The following SEPTIN9 variants were observed in gnomAD, a reference collection of about 807,000 sequenced individuals.
SEPTIN9 encodes septin-9.
Under a neutral mutation model 56.6 loss-of-function variants are expected in SEPTIN9, and 13 were observed. The observed-to-expected ratio is 0.23, with a 90% CI of 0.15 to 0.37. The LOEUF (loss-of-function observed/expected upper bound fraction) is 0.37. SEPTIN9 is among the 10% of genes least tolerant of loss of function. SEPTIN9 has a pLI of 1.00. For synonymous variants in SEPTIN9, 332 were observed against 334.1 expected (o/e 0.99, Z 0.07); for missense variants, 650 against 823.1 (o/e 0.79, Z 2.57).
At chr17:77,305,773 G>A (rs1003639883) in intron 1 of SEPTIN9, among the ~76,000 whole-genome samples, 2 of 151,518 alleles carry the variant, frequency 1.3e-5, no homozygotes, top group African/African-American at 2.4e-5. Flanking sequence ...TGCTGGACAC[G>A]AAGGCCAGAT....
At chr17:77,460,107 C>T (rs1410629710) in intron 3 of SEPTIN9, among the ~76,000 whole-genome samples, 1 of 148,496 alleles carries the variant, frequency 6.7e-6, no homozygotes, top group African/African-American at 2.5e-5. Context: ...CATCAGGGAT[C>T]ACATTTCAGC....
At chr17:77,412,208 C>A (rs1308928992) in intron 3 of SEPTIN9, among the ~76,000 whole-genome samples, 2 of 152,024 alleles carry the variant, frequency 1.3e-5, no homozygotes, top group African/African-American at 4.8e-5. Flanking sequence ...TTTTTAGGAC[C>A]CCTCCCCTCG....
chr17:77,333,062 A>G (rs922112043), intron 2 of SEPTIN9, among the ~76,000 whole-genome samples: 3 of 152,082 alleles, frequency 2.0e-5, no homozygotes, highest in African/African-American at 7.3e-5. Flanking sequence ...TGGCCCTTCC[A>G]TTTCACACTC....
In SEPTIN9 at chr17:77,449,596, G is replaced by T. The variant is rs893527183; in HGVS notation, c.722-32548G>T. On this transcript the variant is annotated intron_variant, in intron 3 of 11. Coordinates refer to ENST00000427177, the MANE Select transcript of SEPTIN9 (RefSeq NM_001113491.2). This position sits in a 1 kb window ranked among gnomAD's most constrained non-coding sequence, Gnocchi z 4.6. ...AGGGAGAGGCCCACGGGGCAGGGGC[G>T]TGGTGGGAGCTGCATCCTCGAGGCT... Among the ~76,000 whole-genome samples, 2 of 152,228 alleles carry T rather than the reference G, an allele frequency of 1.3e-5. No individual in the cohort carries two copies. Among genetic ancestry groups the T allele is most frequent in the Non-Finnish European group, 1.5e-5 (1 of 68,050 alleles).
chr17:77,360,867 GT>G (rs2034393578), intron 2 of SEPTIN9, among the ~76,000 whole-genome samples: 1 of 145,698 alleles, frequency 6.9e-6, no homozygotes, highest in Non-Finnish European at 1.5e-5. Flanking sequence ...AGGGTAGGTT[GT>G]TAGAAATGTA....
intron 3 of SEPTIN9, among the ~76,000 whole-genome samples, chr17:77,426,545 G>A (rs1217457902): frequency 6.6e-6 from 1 of 152,124 alleles, no homozygotes; most frequent in Non-Finnish European, 1.5e-5. Flanking sequence ...CACTGCACCG[G>A]TCCCCTGGCC....
intron 3 of SEPTIN9, among the ~76,000 whole-genome samples, chr17:77,467,161 CGAG>C (rs1435906101): frequency 6.6e-6 from 1 of 152,208 alleles, no homozygotes; most frequent in Non-Finnish European, 1.5e-5. Flanking sequence ...CCTTGGGCCG[CGAG>C]ACGTCTGACC....
At position 77,400,934 on chromosome 17, in the gene SEPTIN9, G is replaced by A. The variant is rs1292216725; in HGVS notation, c.77-1125G>A. Among the ~76,000 whole-genome samples the A allele has an allele frequency of 1.3e-5, 2 of 152,212 alleles. No individual in the cohort carries two copies. Among genetic ancestry groups the A allele is most frequent in the African/African-American group, 4.8e-5 (2 of 41,458 alleles). ...TACCATCCCCACTGCCTCCGAGGGA[G>A]CAGACCCTGGTGGAGAGGCAGGATG... On this transcript the variant is annotated intron_variant, in intron 2 of 11. Transcript: ENST00000427177. This position sits in a 1 kb window ranked among gnomAD's most constrained non-coding sequence, Gnocchi z 4.1.
chr17:77,307,839 A>G (rs1598497226), intron 2 of SEPTIN9, among the ~76,000 whole-genome samples: 1 of 152,186 alleles, frequency 6.6e-6, no homozygotes, highest in East Asian at 1.9e-4. Flanking sequence ...CACTGGGTGC[A>G]GCCTGGGCAA....
chr17:77,496,703 A>G (rs11652286), intron 10 of SEPTIN9, among the ~76,000 whole-genome samples: 58,493 of 152,118 alleles, frequency 0.38, 12,601 homozygotes, highest in East Asian at 0.83. Flanking sequence ...TGAAGTGCAC[A>G]TGTCCCTGAG....
intron 2 of SEPTIN9, among the ~76,000 whole-genome samples, chr17:77,337,899 A>G (rs1167225825): frequency 6.6e-6 from 1 of 152,212 alleles, no homozygotes; most frequent in African/African-American, 2.4e-5. Flanking sequence ...CCCAGTACAT[A>G]TAAAAGTTAT....
chr17:77,356,222 C>T (rs187044381), intron 2 of SEPTIN9, among the ~76,000 whole-genome samples: 4 of 152,266 alleles, frequency 2.6e-5, no homozygotes, highest in African/African-American at 7.2e-5. Context: ...CTGCCTGGTG[C>T]CCAGCCCGCA....
chr17:77,465,643 G>T (rs1223919973), intron 3 of SEPTIN9, among the ~76,000 whole-genome samples: 1 of 152,200 alleles, frequency 6.6e-6, no homozygotes, highest in African/African-American at 2.4e-5. Context: ...TGGGGACGCA[G>T]AGTGACCCCG....
At position 77,437,934 on chromosome 17, in the gene SEPTIN9, G is replaced by GGCCCT. The variant is rs1036217402; in HGVS notation, c.721+35239_721+35243dup. Among the ~76,000 whole-genome samples the GGCCCT allele has an allele frequency of 6.6e-6, 1 of 152,222 alleles. No individual in the cohort carries two copies. The highest frequency in any genetic ancestry group is 2.4e-5 in the African/African-American group (1 of 41,450). ...TGACTGTGGCTGGTTGTTGGTGCCT[G>GGCCCT]GCCCTGCCCTGCACTGTGCACCCAT... is the stretch of plus-strand genomic sequence containing the variant. On this transcript the variant is annotated intron_variant, in intron 3 of 11. Coordinates refer to ENST00000427177, the MANE Select transcript of SEPTIN9 (RefSeq NM_001113491.2). The surrounding 1 kb of genome is among the most constrained non-coding windows in gnomAD (Gnocchi z 5.3).
At chr17:77,309,341 G>A (rs536377183) in intron 2 of SEPTIN9, among the ~76,000 whole-genome samples, 1 of 152,382 alleles carries the variant, frequency 6.6e-6, no homozygotes, top group South Asian at 2.1e-4. Context: ...GGGTTTGCGT[G>A]GGACTGCCTG....
intron 2 of SEPTIN9, 102 bp from the exon 3 acceptor site, chr17:77,401,957 G>A (rs1598315646): frequency 9.6e-6 from 12 of 1,245,542 alleles, no homozygotes; most frequent in East Asian, 4.9e-5. Flanking sequence ...GGCCCTCACC[G>A]CCGCATCGCC....
At chr17:77,297,123 G>A (rs2031854761) in intron 1 of SEPTIN9, among the ~76,000 whole-genome samples, 1 of 152,194 alleles carries the variant, frequency 6.6e-6, no homozygotes, top group Non-Finnish European at 1.5e-5. Flanking sequence ...TGGAGGCCAA[G>A]ATGTACCACA....
intron 2 of SEPTIN9, among the ~76,000 whole-genome samples, chr17:77,335,082 A>G (rs1271316196): frequency 6.6e-6 from 1 of 151,480 alleles, no homozygotes; most frequent in Non-Finnish European, 1.5e-5. Context: ...GTATATACAT[A>G]TCAGCCCTAT....
intron 2 of SEPTIN9, among the ~76,000 whole-genome samples, chr17:77,331,435 G>A (rs1471652551): frequency 2.0e-5 from 3 of 151,934 alleles, no homozygotes; most frequent in African/African-American, 7.3e-5. Context: ...GGATGTTGAG[G>A]TGTGGGTGGG....
Sources: gnomAD v4.1 joint callset for allele counts (sites outside exome capture counted in the v4.1 genomes callset) on GRCh38, gnomAD v4.1.1 for gene constraint, Gnocchi (gnomAD v3.1) non-coding constraint, MANE v1.5 for transcripts, NCBI Gene and HGNC (gene_info 2026-07-23, HGNC 2026-07-21) for gene names.